TTC7A: variants seen among roughly 807,000 people sequenced by gnomAD.
TTC7A encodes the protein tetratricopeptide repeat domain 7A, also known as tetratricopeptide repeat protein 7A.
In TTC7A, 110 loss-of-function variants were observed where a neutral mutation model predicts 103.7. That is an observed-to-expected ratio of 1.06 (90% CI 0.91 to 1.24). TTC7A has a LOEUF of 1.24. Among genes scored for constraint, TTC7A ranks in the 50% most tolerant of loss-of-function variants. The pLI is 0.00. For synonymous variants in TTC7A, 521 were observed against 467.9 expected (o/e 1.11, Z -1.47); for missense variants, 1,340 against 1,116.3 (o/e 1.20, Z -2.86).
chr2:46,984,799 C>T (rs1036662933), intron 5 of TTC7A, among the ~76,000 whole-genome samples: 9 of 152,136 alleles, frequency 5.9e-5, no homozygotes, highest in Non-Finnish European at 1.2e-4. Context: ...CCGAGCTTAC[C>T]CACTGTGATT....
At chr2:46,983,642 G>C (rs1674711126) in intron 5 of TTC7A, among the ~76,000 whole-genome samples, 2 of 152,262 alleles carry the variant, frequency 1.3e-5, no homozygotes, top group South Asian at 4.1e-4. Context: ...AGTTGTGCCT[G>C]TAAGGCAGGG....
chr2:46,915,916 C>T (rs1668754588), upstream of TTC7A: 2 of 985,090 alleles, frequency 2.0e-6, no homozygotes, highest in Non-Finnish European at 2.4e-6. Context: ...GTGAGGACGG[C>T]TCGCGTGAGT....
intron 5 of TTC7A, among the ~76,000 whole-genome samples, chr2:46,992,955 G>T (rs950256015): frequency 6.6e-6 from 1 of 152,230 alleles, no homozygotes; most frequent in Admixed American, 6.5e-5. Context: ...AGGCACAGAG[G>T]CTGACTGAAA....
chr2:46,984,456 T>G (rs1674798582), intron 5 of TTC7A, among the ~76,000 whole-genome samples: 1 of 152,272 alleles, frequency 6.6e-6, no homozygotes, highest in Non-Finnish European at 1.5e-5. Flanking sequence ...TTTGTCCATG[T>G]CCCAGAGGGT....
chr2:47,051,996 C>G (rs554344782), intron 18 of TTC7A, 116 bp downstream of exon 18: 2 of 1,356,704 alleles, frequency 1.5e-6, no homozygotes, highest in African/African-American at 2.9e-5. Flanking sequence ...TAGGCCCACG[C>G]GGGTTACAGA....
At chr2:46,954,061 C>T (rs1057355337) in intron 2 of TTC7A, among the ~76,000 whole-genome samples, 17 of 152,318 alleles carry the variant, frequency 1.1e-4, no homozygotes, top group Non-Finnish European at 2.4e-4. Flanking sequence ...TTGGTACTGC[C>T]TCCCAGAGTA....
At chr2:47,059,788 C>G (rs566423264) in intron 18 of TTC7A, among the ~76,000 whole-genome samples, 2 of 152,218 alleles carry the variant, frequency 1.3e-5, no homozygotes, top group South Asian at 4.1e-4. Flanking sequence ...GTCTTCACCA[C>G]TTACTCCCAC....
At chr2:46,966,306 C>T (rs34030157) in intron 3 of TTC7A, among the ~76,000 whole-genome samples, 7,144 of 152,230 alleles carry the variant, frequency 0.047, 251 homozygotes, top group Admixed American at 0.098. Context: ...GGCTACACTA[C>T]GAGCTAGGCA....
upstream of TTC7A, among the ~76,000 whole-genome samples, chr2:46,940,678 C>T (rs1670252974): frequency 6.6e-6 from 1 of 152,226 alleles, no homozygotes; most frequent in Non-Finnish European, 1.5e-5. The surrounding 1 kb of genome is among the most constrained non-coding windows in gnomAD (Gnocchi z 4.7). Flanking sequence ...GAAAGAGGAA[C>T]TCCGCTAAAA....
chr2:47,006,734 A>T lies in TTC7A; in HGVS notation c.1287+10A>T, dbSNP rs199879297. The T allele has an allele frequency of 3.1e-6, 5 of 1,602,194 alleles. No individual in the cohort carries two copies. In the Admixed American group the frequency reaches 5.0e-5, roughly 16 times the overall value. ...GGTGGCTTGTGGGAAGGTAAGGCCC[A>T]GGGGGCGCTAGGGGTTGCACACTCA... On this transcript the variant is annotated intron_variant, in intron 10 of 19. Coordinates refer to ENST00000319190, the MANE Select transcript of TTC7A (RefSeq NM_020458.4).
intron 14 of TTC7A, among the ~76,000 whole-genome samples, chr2:47,026,780 G>A (rs1483601579): frequency 6.6e-6 from 1 of 152,206 alleles, no homozygotes; most frequent in Non-Finnish European, 1.5e-5. Context: ...TCATCTTCAT[G>A]GACACTGAAA....
In TTC7A at chr2:47,051,799, G is replaced by C; in HGVS notation, c.2071G>C (p.Glu691Gln). 6.2e-7 allele frequency: 1 copy of C among 1,611,872 alleles called. No individual in the cohort carries two copies. Among genetic ancestry groups the C allele is most frequent in the Non-Finnish European group, 8.5e-7 (1 of 1,179,788 alleles). Residue 691 changes from glutamate to glutamine, a missense_variant, in exon 18 of 20, where the codon GAG becomes CAG. Transcript: ENST00000319190. The part of the protein sequence containing the change: ...AASRLEEAMS[E>Q]LTMPSSVLKQ... ...CTCCCGGCTGGAGGAGGCCATGTCA[G>C]AGCTGACTATGCCCTCTTCGGTCCT...
rs181716941 is a variant in TTC7A at position 47,015,423 on chromosome 2, C to T, written c.1392+3988C>T. 8.3e-4 allele frequency among the ~76,000 whole-genome samples: 127 copies of T among 152,314 alleles called. 2 individuals carry two copies. Among genetic ancestry groups the T allele is most frequent in the African/African-American group, 3.0e-3 (124 of 41,560 alleles). On this transcript the variant is annotated intron_variant, in intron 11 of 19. Transcript: ENST00000319190. Reference sequence around the variant, plus strand: ...AGGTCTCTGATGCCATCTCTCACCTCCTTCCTGAGGAGGGCAGCAGGGGGT... The same window carrying T: ...AGGTCTCTGATGCCATCTCTCACCTTCTTCCTGAGGAGGGCAGCAGGGGGT...
Position 47,074,096 on chromosome 2 carries a change from C to T in TTC7A, c.*173C>T, listed in dbSNP as rs1009158229. 2.6e-5 allele frequency: 16 copies of T among 607,720 alleles called. No homozygotes were observed. Among genetic ancestry groups the T allele is most frequent in the Non-Finnish European group, 4.6e-5 (16 of 344,816 alleles). The allele number at this position is 607,720 out of a possible 1,614,324, so 37.6% of individuals were successfully genotyped here. A position where few individuals can be genotyped will look rare whatever the true frequency, so the allele number is the denominator to read the frequency against. On this transcript the variant is annotated 3_prime_UTR_variant, in exon 20 of 20. Coordinates refer to ENST00000319190, the MANE Select transcript of TTC7A (RefSeq NM_020458.4). The stretch of plus-strand genomic sequence containing the variant: ...TCTTGGCTGGGCCAAGAGGGCCTTC[C>T]TGGATTTCTTTGTTGGTGCCTTGGG...
intron 19 of TTC7A, among the ~76,000 whole-genome samples, chr2:47,069,422 G>A (rs889444454): frequency 2.0e-5 from 3 of 152,174 alleles, no homozygotes; most frequent in Non-Finnish European, 4.4e-5. Context: ...TACCCCAGGA[G>A]ACCCCCACCT....
chr2:47,059,018 T>TA lies in TTC7A; in HGVS notation c.2153-1751_2153-1750insA, dbSNP rs1683553376. On this transcript the variant is annotated intron_variant, in intron 18 of 19. Transcript: ENST00000319190. ...TCACCTCCTAAGCCTGCTTTTTTTT[T>TA]TTTTTTTTTTTTTTTTTTTTTGAGA... is the stretch of plus-strand genomic sequence containing the variant. Among the ~76,000 whole-genome samples, 5 of 124,586 alleles carry TA rather than the reference T, an allele frequency of 4.0e-5. No individual in the cohort carries two copies. The South Asian group carries it at 1.4e-3, about 35-fold the overall frequency. The allele number at this position is 124,586 out of a possible 152,430, so 81.7% of individuals were successfully genotyped here.
intron 14 of TTC7A, among the ~76,000 whole-genome samples, chr2:47,027,002 C>T (rs769102788): frequency 2.0e-5 from 3 of 152,176 alleles, no homozygotes; most frequent in Non-Finnish European, 4.4e-5. Flanking sequence ...GAGGGGAGGG[C>T]CTCGTCAGCC....
intron 2 of TTC7A, chr2:46,917,395 T>C (rs1057455183): frequency 1.8e-6 from 1 of 571,260 alleles, no homozygotes; most frequent in African/African-American, 1.9e-5. Context: ...TTCCTCCTTC[T>C]ACCCTGCATC....
At chr2:47,008,819 G>A (rs1677705530) in intron 10 of TTC7A, among the ~76,000 whole-genome samples, 1 of 151,768 alleles carries the variant, frequency 6.6e-6, no homozygotes, top group Non-Finnish European at 1.5e-5. Context: ...TAATGGATGA[G>A]TTCCGTGACA....
Sources: gnomAD v4.1 joint callset for allele counts (sites outside exome capture counted in the v4.1 genomes callset) on GRCh38, gnomAD v4.1.1 for gene constraint, Gnocchi (gnomAD v3.1) non-coding constraint, MANE v1.5 for transcripts, NCBI Gene and HGNC (gene_info 2026-07-23, HGNC 2026-07-21) for gene names.